The following POC1B variants were observed in gnomAD, a reference collection of about 807,000 sequenced individuals.
POC1B encodes the protein POC1 centriolar protein B.
Under a neutral mutation model 60.6 loss-of-function variants are expected in POC1B, and 44 were observed. The observed-to-expected ratio is 0.73, with a 90% CI of 0.57 to 0.93. The LOEUF is 0.93. Among genes scored for constraint, POC1B ranks in the 40% least tolerant of loss-of-function variants. POC1B has a pLI of 0.00. For missense variants in POC1B, 555 were observed against 572.3 expected (o/e 0.97, Z 0.31); for synonymous variants, 180 against 198.9 (o/e 0.90, Z 0.80).
intron 10 of POC1B, among the ~76,000 whole-genome samples, chr12:89,437,156 T>C (rs537089054): frequency 1.3e-5 from 2 of 152,318 alleles, no homozygotes; most frequent in South Asian, 2.1e-4. Context: ...GGATTACTAT[T>C]ACAATAGCCT....
intron 9 of POC1B, 77 bp from the exon 10 acceptor site, chr12:89,459,795 G>A (rs1882414985): frequency 1.3e-6 from 1 of 789,012 alleles, no homozygotes; most frequent in Non-Finnish European, 1.9e-6. Context: ...AAACCTGGAG[G>A]GCATTTTCTA....
the POC1B span, among the ~76,000 whole-genome samples, chr12:89,408,555 G>A: frequency 6.7e-6 from 1 of 149,862 alleles, no homozygotes; most frequent in Non-Finnish European, 1.5e-5. Flanking sequence ...GTGCGATCTC[G>A]GCTCACTGCA....
At chr12:89,408,058 T>C in the POC1B span, among the ~76,000 whole-genome samples, 2 of 152,292 alleles carry the variant, frequency 1.3e-5, no homozygotes, top group African/African-American at 4.8e-5. Context: ...CATGCGGTGT[T>C]TGGTTTTCTG....
rs547306774 is a variant in POC1B, at chr12:89,485,495, G to A, written c.452+6441C>T. On this transcript the variant is annotated intron_variant, in intron 4 of 11. Coordinates refer to ENST00000313546, the MANE Select transcript of POC1B (RefSeq NM_172240.3). The stretch of plus-strand genomic sequence containing the variant: ...TCATCAAAGAACATTCCTTGAGGAC[G>A]GCCTCTGCAGAGTTTCACATTAATC... Among the ~76,000 whole-genome samples, 11 of 152,194 alleles carry A rather than the reference G, an allele frequency of 7.2e-5. No individual in the cohort carries two copies. The South Asian group carries it at 1.0e-3, about 14-fold the overall frequency.
At chr12:89,520,729 C>T (rs1042432147) in intron 2 of POC1B, 1 of 152,158 alleles carries the variant, frequency 6.6e-6, no homozygotes, top group Non-Finnish European at 1.5e-5. Context: ...AAAATTCCTA[C>T]TCTCCAAGTC....
At chr12:89,435,782 C>CT (rs1280192622) in intron 10 of POC1B, among the ~76,000 whole-genome samples, 3 of 152,138 alleles carry the variant, frequency 2.0e-5, no homozygotes, top group African/African-American at 7.2e-5. Context: ...TTCAAAAATA[C>CT]TTTTCATAGA....
chr12:89,431,544 A>G (rs887508003), intron 10 of POC1B, among the ~76,000 whole-genome samples: 2 of 152,244 alleles, frequency 1.3e-5, no homozygotes, highest in Non-Finnish European at 2.9e-5. Context: ...TTGGACAAAA[A>G]TAAAAGCAAA....
intron 9 of POC1B, among the ~76,000 whole-genome samples, chr12:89,466,376 T>C (rs1422581195): frequency 1.3e-5 from 2 of 152,336 alleles, no homozygotes; most frequent in South Asian, 2.1e-4. Context: ...CATAAGATTT[T>C]TTTTTGCTGT....
chr12:89,450,813 G>A (rs1428447870), intron 10 of POC1B, among the ~76,000 whole-genome samples: 1 of 152,090 alleles, frequency 6.6e-6, no homozygotes, highest in Non-Finnish European at 1.5e-5. Context: ...AGAAATCTTT[G>A]TATGTATATC....
At chr12:89,506,746 C>A (rs1427845857) in intron 2 of POC1B, among the ~76,000 whole-genome samples, 1 of 152,116 alleles carries the variant, frequency 6.6e-6, no homozygotes, top group Non-Finnish European at 1.5e-5. Context: ...TGCAACTGTA[C>A]AGGAGGTATG....
At chr12:89,503,236 TGCCGAGTG>T (rs1869684354) in intron 2 of POC1B, among the ~76,000 whole-genome samples, 6 of 149,530 alleles carry the variant, frequency 4.0e-5, no homozygotes, top group African/African-American at 1.5e-4. Context: ...TGCCTCAGCC[TGCCGAGTG>T]CCTGCGATTG....
chr12:89,521,686 CCATT>C (rs1555187365), intron 2 of POC1B: 70 of 248,556 alleles, frequency 2.8e-4, no homozygotes, highest in South Asian at 5.3e-4. Flanking sequence ...CTCAGCTGAG[CCATT>C]CATTCATTCA....
chr12:89,473,629 C>G lies in POC1B; in HGVS notation c.453-1354G>C, dbSNP rs911105232. ...TAAGCTGCGATTGTGCCACTGCACTCCAGCTTGGGCGACAGAGCAAGACTC... is the reference window on the plus strand; with the variant it reads ...TAAGCTGCGATTGTGCCACTGCACTGCAGCTTGGGCGACAGAGCAAGACTC... On this transcript the variant is annotated intron_variant, in intron 4 of 11. Transcript: ENST00000313546. 7.0e-5 allele frequency among the ~76,000 whole-genome samples: 10 copies of G among 142,884 alleles called. No homozygotes were observed. In the East Asian group the frequency reaches 1.2e-3, roughly 18 times the overall value. The allele number at this position is 142,884 out of a possible 152,430, so 93.7% of individuals were successfully genotyped here.
intron 10 of POC1B, among the ~76,000 whole-genome samples, chr12:89,451,926 C>T (rs528780519): frequency 1.3e-5 from 2 of 152,246 alleles, no homozygotes; most frequent in South Asian, 2.1e-4. Flanking sequence ...CATTTAGCTC[C>T]GTAGTAAACC....
At chr12:89,515,376 C>T (rs55641402) in intron 2 of POC1B, among the ~76,000 whole-genome samples, 3,924 of 152,168 alleles carry the variant, frequency 0.026, 145 homozygotes, top group African/African-American at 0.083. Flanking sequence ...TCAAGGTATC[C>T]CTCCTGCCTC....
intron 4 of POC1B, among the ~76,000 whole-genome samples, chr12:89,479,416 T>G (rs1171368244): frequency 6.6e-6 from 1 of 152,154 alleles, no homozygotes; most frequent in Non-Finnish European, 1.5e-5. Context: ...AAAAAAGTAT[T>G]TATTTTGGAC....
intron 9 of POC1B, among the ~76,000 whole-genome samples, chr12:89,463,427 TCA>T (rs145187641): frequency 6.6e-6 from 1 of 151,144 alleles, no homozygotes. Flanking sequence ...GAGAAAAATA[TCA>T]CACACACACA....
At chr12:89,493,218 C>G (rs1254792231) in intron 3 of POC1B, among the ~76,000 whole-genome samples, 1 of 152,190 alleles carries the variant, frequency 6.6e-6, no homozygotes, top group Non-Finnish European at 1.5e-5. Context: ...TTAATGGCTC[C>G]CTATTTGCTA....
intron 10 of POC1B, among the ~76,000 whole-genome samples, chr12:89,454,514 C>T (rs1351972425): frequency 6.6e-6 from 1 of 152,168 alleles, no homozygotes; most frequent in Non-Finnish European, 1.5e-5. Flanking sequence ...CTGCAGGAAA[C>T]CCCCCAGTGG....
Sources: allele counts gnomAD v4.1 joint callset (sites outside exome capture counted in the v4.1 genomes callset), GRCh38; gene constraint gnomAD v4.1.1; transcripts MANE v1.5; gene names NCBI Gene and HGNC (gene_info 2026-07-23, HGNC 2026-07-21).